Variants in FHIT observed in about 807,000 individuals in gnomAD.
FHIT encodes bis(5'-adenosyl)-triphosphatase.
Under a neutral mutation model 17.9 loss-of-function variants are expected in FHIT, and 19 were observed. That is an observed-to-expected ratio of 1.06 (90% CI 0.74 to 1.56). FHIT has a LOEUF of 1.56. FHIT is among the 40% of genes most tolerant of loss of function. FHIT has a pLI of 0.00. For synonymous variants in FHIT, 81 were observed against 69.7 expected (o/e 1.16, Z -0.81); for missense variants, 248 against 189.2 (o/e 1.31, Z -1.82).
chr3:60,599,620 G>C (rs549881911), intron 4 of FHIT, among the ~76,000 whole-genome samples: 3 of 150,738 alleles, frequency 2.0e-5, no homozygotes, highest in Admixed American at 1.3e-4. Flanking sequence ...CTGCATGTTG[G>C]TACAACAGTA....
chr3:60,768,182 G>T lies in FHIT; in HGVS notation c.-18+53737C>A, dbSNP rs35631111. Among the ~76,000 whole-genome samples, 44 of 152,272 alleles carry T rather than the reference G, an allele frequency of 2.9e-4. No individual in the cohort carries two copies. The East Asian group carries it at 7.9e-3, about 27-fold the overall frequency. On this transcript the variant is annotated intron_variant, in intron 4 of 9. Coordinates refer to ENST00000492590, the MANE Select transcript of FHIT (RefSeq NM_002012.4). ...GCAAAACTTCAAATAATTACCTCTT[G>T]TGGTCAACACTGCCTGGAAAAATAG...
intron 8 of FHIT, among the ~76,000 whole-genome samples, chr3:59,812,610 A>G (rs189815708): frequency 4.3e-4 from 65 of 152,282 alleles, no homozygotes; most frequent in African/African-American, 1.5e-3. Context: ...CATTTATGAA[A>G]ATGCACGCAC....
intron 5 of FHIT, among the ~76,000 whole-genome samples, chr3:60,317,817 G>A (rs2106789604): frequency 6.7e-6 from 1 of 148,670 alleles, no homozygotes; most frequent in South Asian, 2.1e-4. Flanking sequence ...TTGAGACAGG[G>A]TCTCACTCTG....
intron 4 of FHIT, among the ~76,000 whole-genome samples, chr3:60,715,324 T>C (rs1479359817): frequency 3.9e-5 from 6 of 152,178 alleles, no homozygotes; most frequent in East Asian, 1.9e-4. Flanking sequence ...CCTAAAACCA[T>C]ACCATATGAG....
intron 5 of FHIT, among the ~76,000 whole-genome samples, chr3:60,183,647 T>A (rs2107448077): frequency 6.6e-6 from 1 of 152,112 alleles, no homozygotes; most frequent in African/African-American, 2.4e-5. Flanking sequence ...AACTTGACAA[T>A]GCCAAGTCAA....
intron 7 of FHIT, among the ~76,000 whole-genome samples, chr3:59,967,740 A>G (rs993478449): frequency 1.2e-4 from 19 of 152,182 alleles, no homozygotes; most frequent in Non-Finnish European, 2.5e-4. Context: ...AGAATGCTAC[A>G]AAATACAACA....
intron 1 of FHIT, among the ~76,000 whole-genome samples, chr3:61,207,977 C>G (rs1302318558): frequency 3.9e-5 from 6 of 152,160 alleles, no homozygotes; most frequent in Non-Finnish European, 7.4e-5. Context: ...CCTCTATACA[C>G]TGCTTTGAAT....
chr3:59,794,751 C>T (rs1699708260), intron 8 of FHIT, among the ~76,000 whole-genome samples: 1 of 152,152 alleles, frequency 6.6e-6, no homozygotes, highest in Admixed American at 6.5e-5. Flanking sequence ...AGGTCAGAGC[C>T]ATCATAAGCT....
At position 61,148,254 on chromosome 3, in the gene FHIT, C is replaced by CA. The variant is rs371141737; in HGVS notation, c.-164+52362dup. ...GATAACTTATATATAGTAAAATACA[C>CA]AAATCTTAAGTATATGGCTCCATGG... On this transcript the variant is annotated intron_variant, in intron 2 of 9. Coordinates refer to ENST00000492590, the MANE Select transcript of FHIT (RefSeq NM_002012.4). Among the ~76,000 whole-genome samples the CA allele has an allele frequency of 8.6e-3, 1,312 of 152,066 alleles. 17 individuals are homozygous for CA. Among genetic ancestry groups the CA allele is most frequent in the African/African-American group, 0.029 (1,211 of 41,534 alleles).
rs1704952730 is a variant in FHIT at position 60,116,178 on chromosome 3, T to G, written c.104-102026A>C. ...GACAGATACAAAGACATTCCTGACA[T>G]TAGGAGAACTTCTGGAGAAAGAGAC... is the stretch of plus-strand genomic sequence containing the variant. On this transcript the variant is annotated intron_variant, in intron 5 of 9. Coordinates refer to ENST00000492590, the MANE Select transcript of FHIT (RefSeq NM_002012.4). Among the ~76,000 whole-genome samples, 3 of 152,148 alleles carry G rather than the reference T, an allele frequency of 2.0e-5. No homozygotes were observed. The South Asian group carries it at 6.2e-4, about 32-fold the overall frequency.
At chr3:61,166,765 A>T (rs574684017) in intron 2 of FHIT, among the ~76,000 whole-genome samples, 50 of 152,254 alleles carry the variant, frequency 3.3e-4, no homozygotes, top group Non-Finnish European at 6.6e-4. Flanking sequence ...CTGAGTGTTC[A>T]TAAAGCACCT....
intron 5 of FHIT, among the ~76,000 whole-genome samples, chr3:60,463,571 C>T (rs1407940642): frequency 2.0e-5 from 3 of 152,104 alleles, no homozygotes; most frequent in Non-Finnish European, 4.4e-5. Context: ...AGAAATAAAA[C>T]GTCTAGGAAA....
intron 8 of FHIT, among the ~76,000 whole-genome samples, chr3:59,810,203 T>C (rs940645833): frequency 1.3e-5 from 2 of 152,114 alleles, no homozygotes; most frequent in Non-Finnish European, 2.9e-5. Flanking sequence ...GGAGGAGTAC[T>C]GGAGGAGCTG....
intron 4 of FHIT, among the ~76,000 whole-genome samples, chr3:60,803,189 G>A (rs1205676219): frequency 9.2e-5 from 14 of 152,116 alleles, no homozygotes; most frequent in South Asian, 2.1e-4. Context: ...AATCGGTGGG[G>A]TTGCTCTTTG....
chr3:60,793,602 C>T (rs1266469222), intron 4 of FHIT, among the ~76,000 whole-genome samples: 1 of 152,206 alleles, frequency 6.6e-6, no homozygotes, highest in Admixed American at 6.5e-5. Flanking sequence ...AGCGCCCAGA[C>T]AAACAAGCGG....
chr3:60,778,011 C>G (rs782311087), intron 4 of FHIT, among the ~76,000 whole-genome samples: 37 of 152,200 alleles, frequency 2.4e-4, no homozygotes, highest in Admixed American at 4.6e-4. Flanking sequence ...TCAGAGGGCC[C>G]CCGATGTGTC....
chr3:59,976,121 C>T (rs1708399108), intron 7 of FHIT, among the ~76,000 whole-genome samples: 1 of 151,952 alleles, frequency 6.6e-6, no homozygotes, highest in Non-Finnish European at 1.5e-5. Context: ...CATAGGGTTG[C>T]CATGAAGATA....
At chr3:60,027,522 C>T (rs1196865946) in intron 5 of FHIT, among the ~76,000 whole-genome samples, 1 of 151,990 alleles carries the variant, frequency 6.6e-6, no homozygotes, top group Non-Finnish European at 1.5e-5. Context: ...ATAGAAACTG[C>T]TTAAATAACC....
chr3:60,760,567 A>G (rs1553719541), intron 4 of FHIT, among the ~76,000 whole-genome samples: 1 of 152,146 alleles, frequency 6.6e-6, no homozygotes, highest in East Asian at 1.9e-4. Context: ...AAAGATATTA[A>G]TTTTCATTTT....
Sources: allele counts gnomAD v4.1 joint callset (sites outside exome capture counted in the v4.1 genomes callset), GRCh38; gene constraint gnomAD v4.1.1; transcripts MANE v1.5; gene names NCBI Gene and HGNC (gene_info 2026-07-23, HGNC 2026-07-21).